TSPAN33: variants seen among roughly 807,000 people sequenced by gnomAD.
The protein encoded by TSPAN33 is tetraspanin 33.
TSPAN33 carries 27 observed loss-of-function variants against 34.8 expected under a neutral mutation model. The observed-to-expected ratio is 0.78, with a 90% CI of 0.57 to 1.07. The LOEUF (loss-of-function observed/expected upper bound fraction) is 1.07. Ranked by LOEUF, TSPAN33 falls within the 50% of genes least tolerant of loss-of-function variation. The pLI, the probability that TSPAN33 is intolerant of heterozygous loss-of-function variation, is 0.00. For missense variants in TSPAN33, 272 were observed against 324.9 expected, an observed-to-expected ratio of 0.84 and a Z score of 1.25; for synonymous variants, 119 against 124.2, an observed-to-expected ratio of 0.96 and a Z score of 0.28.
Position 129,145,016 on chromosome 7 carries a change from G to C in TSPAN33, c.36G>C (p.Gly12=), listed in dbSNP as rs767207739. ...ARRPRAPAAS[G]EEFSFVSPLV... ...GACCCCGGGCGCCGGCCGCCTCCGGGGAGGAGTTCTCCTTCGTCAGCCCGC... is the reference window on the plus strand; with the variant it reads ...GACCCCGGGCGCCGGCCGCCTCCGGCGAGGAGTTCTCCTTCGTCAGCCCGC... Residue 12 remains glycine, a synonymous_variant, in exon 1 of 8, where the codon GGG becomes GGC. Transcript: ENST00000486685. 2 of 705,362 alleles carry C rather than the reference G, an allele frequency of 2.8e-6. No individual in the cohort carries two copies. The highest frequency in any genetic ancestry group is 5.2e-6 in the Non-Finnish European group (2 of 383,946). The allele number at this position is 705,362 out of a possible 1,614,324, so 43.7% of individuals were successfully genotyped here. A position where few individuals can be genotyped will look rare whatever the true frequency, so the allele number is the denominator to read the frequency against.
chr7:129,162,665 AC>A, intron 3 of TSPAN33, 144 bp downstream of exon 3: 1 of 1,473,838 alleles, frequency 6.8e-7, no homozygotes, highest in Non-Finnish European at 9.2e-7. Context: ...AGCCCGGGTG[AC>A]CCAGCACAGG....
intron 1 of TSPAN33, among the ~76,000 whole-genome samples, chr7:129,156,609 T>C (rs1226083121): frequency 6.6e-6 from 1 of 152,244 alleles, no homozygotes; most frequent in African/African-American, 2.4e-5. Context: ...ATTTCTTTAT[T>C]TCGGTGCTCA....
At chr7:129,156,323 C>G (rs370674348) in intron 1 of TSPAN33, among the ~76,000 whole-genome samples, 18 of 152,284 alleles carry the variant, frequency 1.2e-4, no homozygotes, top group Middle Eastern at 3.4e-3. Flanking sequence ...CCTCGATCGC[C>G]TGGATGAAGT....
chr7:129,151,945 G>A (rs751295664), intron 1 of TSPAN33, among the ~76,000 whole-genome samples: 9 of 152,204 alleles, frequency 5.9e-5, no homozygotes, highest in Admixed American at 1.3e-4. Flanking sequence ...GATGGACACA[G>A]CAGTATCTGT....
At position 129,166,897 on chromosome 7, in the gene TSPAN33, T is replaced by C. The variant is rs1793150009; in HGVS notation, c.579T>C (p.Thr193=). The C allele has an allele frequency of 1.2e-6, 2 of 1,613,206 alleles. No individual in the cohort carries two copies. The highest frequency in any genetic ancestry group is 1.3e-5 in the African/African-American group (1 of 74,898). The change falls in exon 6 of 8, where the codon ACT becomes ACC. Residue 193 remains threonine (T), a synonymous_variant. Coordinates refer to ENST00000486685, the MANE Select transcript of TSPAN33 (RefSeq NM_178562.5). The part of the protein sequence containing the change: ...CSVPYSCCLP[T]PDQAVINTMC... ...TGCCTTACTCCTGTTGCTTGCCTAC[T>C]CCTGACCAGGTGAGCCAGCATCCTG...
chr7:129,158,676 T>G (rs1029438771), intron 1 of TSPAN33, among the ~76,000 whole-genome samples: 1 of 152,230 alleles, frequency 6.6e-6, no homozygotes, highest in Non-Finnish European at 1.5e-5. Context: ...GCTGTATCCA[T>G]GTTGCTGCAA....
Position 129,167,447 on chromosome 7 carries a change from T to G in TSPAN33, c.637T>G (p.Leu213Val). Reference protein sequence around the residue: ...CGQGMQAFDYLEASKVIYTNG... With the variant: ...CGQGMQAFDYVEASKVIYTNG... ...CCAAGGTATGCAGGCCTTTGACTAC[T>G]TGGAAGCTAGCAAAGTCATCTACAC... is the stretch of plus-strand genomic sequence containing the variant. The change falls in exon 7 of 8, where the codon TTG becomes GTG. Residue 213 changes from leucine (L) to valine (V), a missense_variant. Coordinates refer to ENST00000486685, the MANE Select transcript of TSPAN33 (RefSeq NM_178562.5). This position sits in a 1 kb window ranked among gnomAD's most constrained non-coding sequence, Gnocchi z 4.6. 6.2e-7 allele frequency: 1 copy of G among 1,613,768 alleles called. No individual in the cohort carries two copies. Among genetic ancestry groups the G allele is most frequent in the South Asian group, 1.1e-5 (1 of 91,040 alleles).
chr7:129,145,189 C>T (rs1211259569), intron 1 of TSPAN33, 107 bp downstream of exon 1: 4 of 464,594 alleles, frequency 8.6e-6, no homozygotes, highest in Non-Finnish European at 1.6e-5. Context: ...GTTTTCTGGG[C>T]TGACGGCACT....
rs184584026 is a variant in TSPAN33 at position 129,159,877 on chromosome 7, G to A, written c.103-1802G>A. On this transcript the variant is annotated intron_variant, in intron 1 of 7. Transcript: ENST00000486685. Reference sequence around the variant, plus strand: ...TAGAGGCATGGTCAAATGATGTGAGGTGGGAAGAGACCGGGGCCAGCTGAG... The same window carrying A: ...TAGAGGCATGGTCAAATGATGTGAGATGGGAAGAGACCGGGGCCAGCTGAG... Among the ~76,000 whole-genome samples the A allele has an allele frequency of 4.6e-5, 7 of 152,322 alleles. No individual in the cohort carries two copies. The East Asian group carries it at 1.4e-3, about 29-fold the overall frequency.
chr7:129,158,836 C>T (rs1435378343), intron 1 of TSPAN33, among the ~76,000 whole-genome samples: 1 of 152,140 alleles, frequency 6.6e-6, no homozygotes, highest in African/African-American at 2.4e-5. Flanking sequence ...CTGCAACCTC[C>T]GCCTCCCGGG....
chr7:129,169,187 C>A lies in TSPAN33; in HGVS notation c.*1313C>A, dbSNP rs1214715727. Among the ~76,000 whole-genome samples, 1 of 152,182 alleles carries A rather than the reference C, an allele frequency of 6.6e-6. No individual in the cohort carries two copies. Among genetic ancestry groups the A allele is most frequent in the Admixed American group, 6.5e-5 (1 of 15,292 alleles). On this transcript the variant is annotated 3_prime_UTR_variant, in exon 8 of 8. Coordinates refer to ENST00000486685, the MANE Select transcript of TSPAN33 (RefSeq NM_178562.5). ...GACGGGGAATGAGGAGGAAGAAGGC[C>A]CTCTCTTCCCCTACCCGGGCCCTCC...
chr7:129,146,785 C>T (rs1376850057), intron 1 of TSPAN33, among the ~76,000 whole-genome samples: 5 of 152,294 alleles, frequency 3.3e-5, no homozygotes, highest in East Asian at 1.9e-4. Context: ...GTGACATCCT[C>T]GGAGCCAGCA....
chr7:129,146,445 TA>T (rs2150619136), intron 1 of TSPAN33, among the ~76,000 whole-genome samples: 1 of 152,328 alleles, frequency 6.6e-6, no homozygotes, highest in East Asian at 1.9e-4. Context: ...TGTAGAAAAC[TA>T]AAGCACAGAG....
chr7:129,161,607 A>G, intron 1 of TSPAN33, 72 bp from the exon 2 acceptor site: 1 of 1,467,802 alleles, frequency 6.8e-7, no homozygotes, highest in Admixed American at 1.7e-5. Context: ...CTGCTCTCCT[A>G]GGTTTCTCAT....
chr7:129,152,745 C>A (rs1017637880), intron 1 of TSPAN33, among the ~76,000 whole-genome samples: 1 of 151,804 alleles, frequency 6.6e-6, no homozygotes, highest in African/African-American at 2.4e-5. Flanking sequence ...TGCTACAACA[C>A]AGATGAATCT....
At chr7:129,150,373 CT>C (rs1810576527) in intron 1 of TSPAN33, among the ~76,000 whole-genome samples, 1 of 152,186 alleles carries the variant, frequency 6.6e-6, no homozygotes, top group Non-Finnish European at 1.5e-5. Context: ...CTTCCTTCCC[CT>C]GCCTGAAAAC....
At chr7:129,161,499 G>C (rs1039219016) in intron 1 of TSPAN33, among the ~76,000 whole-genome samples, 180 bp from the exon 2 acceptor site, 2 of 152,228 alleles carry the variant, frequency 1.3e-5, no homozygotes, top group African/African-American at 4.8e-5. Context: ...GTGGGTAAAA[G>C]TGTCTCATGG....
chr7:129,169,657 G>A lies in TSPAN33; in HGVS notation c.*1783G>A, dbSNP rs1050474410. The A allele has an allele frequency of 2.2e-4, 33 of 152,364 alleles. No homozygotes were observed. The highest frequency in any genetic ancestry group is 7.7e-4 in the African/African-American group (32 of 41,586). The allele number at this position is 152,364 out of a possible 1,614,324, so 9.4% of individuals were successfully genotyped here. A position where few individuals can be genotyped will look rare whatever the true frequency, so the allele number is the denominator to read the frequency against. On this transcript the variant is annotated 3_prime_UTR_variant, in exon 8 of 8. Transcript: ENST00000486685. The stretch of plus-strand genomic sequence containing the variant: ...AGTGTTTAGCTCCCAACTAGTAACA[G>A]ACGGAAAGAAAAAATAAAATTATCC...
intron 1 of TSPAN33, among the ~76,000 whole-genome samples, chr7:129,147,828 C>T (rs550379497): frequency 1.6e-3 from 245 of 152,282 alleles, no homozygotes; most frequent in Admixed American, 4.8e-3. Context: ...TCTAGAAGCC[C>T]TGACTCTTGG....
Sources: gnomAD v4.1 joint callset for allele counts (sites outside exome capture counted in the v4.1 genomes callset) on GRCh38, gnomAD v4.1.1 for gene constraint, Gnocchi (gnomAD v3.1) non-coding constraint, MANE v1.5 for transcripts, NCBI Gene and HGNC (gene_info 2026-07-23, HGNC 2026-07-21) for gene names.